Variants in RBM18 observed in about 807,000 individuals in gnomAD.
RBM18 encodes RNA binding motif protein 18, also known as probable RNA-binding protein 18.
Under a neutral mutation model 26.4 loss-of-function variants are expected in RBM18, and 18 were observed. The observed-to-expected ratio is 0.68, with a 90% CI of 0.47 to 1.01. RBM18 has a LOEUF of 1.01. Ranked by LOEUF, RBM18 falls within the 50% of genes least tolerant of loss-of-function variation. RBM18 has a pLI of 0.00. For missense variants in RBM18, 180 were observed against 219.2 expected (o/e 0.82, Z 1.13); for synonymous variants, 74 against 81.1 (o/e 0.91, Z 0.47).
chr9:122,255,852 AGCTGAGTGTGGTG>A (rs1831686196), intron 2 of RBM18, among the ~76,000 whole-genome samples: 1 of 152,172 alleles, frequency 6.6e-6, no homozygotes. Context: ...CAAAAAAATT[AGCTGAGTGTGGTG>A]GCACATGCCT....
intron 2 of RBM18, among the ~76,000 whole-genome samples, chr9:122,258,489 G>A (rs543377404): frequency 9.9e-5 from 15 of 152,164 alleles, no homozygotes; most frequent in South Asian, 2.1e-4. Context: ...GGATGGTCTC[G>A]ATTTCCTAAC....
intron 5 of RBM18, among the ~76,000 whole-genome samples, chr9:122,244,941 G>C (rs891503202): frequency 6.6e-6 from 1 of 152,170 alleles, no homozygotes; most frequent in African/African-American, 2.4e-5. Flanking sequence ...GAGACCCAAG[G>C]CCTTATTAAA....
chr9:122,258,903 G>GCGAGACT (rs1209341524), intron 2 of RBM18, among the ~76,000 whole-genome samples: 1 of 91,544 alleles, frequency 1.1e-5, no homozygotes. Context: ...GGGTGACAGA[G>GCGAGACT]CTGTCAAAAA....
At chr9:122,245,695 T>G (rs1831494141) in intron 4 of RBM18, among the ~76,000 whole-genome samples, 1 of 152,018 alleles carries the variant, frequency 6.6e-6, no homozygotes. Context: ...TACTTTAAAC[T>G]GGCCAGGCGC....
chr9:122,259,855 GGC>G (rs1831758141), intron 2 of RBM18, among the ~76,000 whole-genome samples: 1 of 151,940 alleles, frequency 6.6e-6, no homozygotes, highest in Non-Finnish European at 1.5e-5. Flanking sequence ...CACCATGCCT[GGC>G]TAATTTTTTC....
At chr9:122,245,116 G>C (rs958283553) in intron 5 of RBM18, 140 bp downstream of exon 5, 2 of 624,640 alleles carry the variant, frequency 3.2e-6, no homozygotes. Flanking sequence ...ATACATTCTG[G>C]AGACTAACTG....
In RBM18 at chr9:122,238,514, G is replaced by C. The variant is rs568307043; in HGVS notation, c.*3370C>G. On this transcript the variant is annotated 3_prime_UTR_variant, in exon 6 of 6. Transcript: ENST00000417201. ...CTCTGCGGCTATCTGGAGAAAGAGC[G>C]TTCTAAGCTAAGGCAACAGCCAATG... is the stretch of plus-strand genomic sequence containing the variant. 2 of 152,168 alleles carry C rather than the reference G, an allele frequency of 1.3e-5. No individual in the cohort carries two copies. The highest frequency in any genetic ancestry group is 2.9e-5 in the Non-Finnish European group (2 of 68,036). The allele number at this position is 152,168 out of a possible 1,614,324, so 9.4% of individuals were successfully genotyped here. A position where few individuals can be genotyped will look rare whatever the true frequency, so the allele number is the denominator to read the frequency against.
intron 2 of RBM18, among the ~76,000 whole-genome samples, chr9:122,260,796 C>T (rs1007135190): frequency 6.6e-6 from 1 of 152,192 alleles, no homozygotes; most frequent in Admixed American, 6.5e-5. Context: ...TTATATACAG[C>T]TCTGATTATT....
At chr9:122,248,784 AAGGAACAGAGG>A (rs1180941546) in intron 3 of RBM18, among the ~76,000 whole-genome samples, 4 of 152,192 alleles carry the variant, frequency 2.6e-5, no homozygotes, top group African/African-American at 9.7e-5. Context: ...AGAAGCCCTT[AAGGAACAGAGG>A]AGGAACAGGA....
chr9:122,262,539 T>C (rs892423495), intron 1 of RBM18, among the ~76,000 whole-genome samples: 32 of 152,324 alleles, frequency 2.1e-4, no homozygotes, highest in African/African-American at 6.7e-4. Flanking sequence ...AGCAGAAACC[T>C]TGGTGTCAGA....
At chr9:122,254,877 T>C (rs1333147579) in intron 2 of RBM18, among the ~76,000 whole-genome samples, 4 of 152,102 alleles carry the variant, frequency 2.6e-5, no homozygotes, top group Admixed American at 2.0e-4. Context: ...TGAAGACCAA[T>C]GGTACAAGGA....
Position 122,238,737 on chromosome 9 carries a change from A to T in RBM18, c.*3147T>A, listed in dbSNP as rs1831366979. On this transcript the variant is annotated 3_prime_UTR_variant, in exon 6 of 6. Transcript: ENST00000417201. Reference sequence around the variant, plus strand: ...GCCACAAAGAAGAGAATCACATTTTAAAATAATTTTTTTAAAAATTGCTTT... The same window carrying T: ...GCCACAAAGAAGAGAATCACATTTTTAAATAATTTTTTTAAAAATTGCTTT... 1 of 152,244 alleles carries T rather than the reference A, an allele frequency of 6.6e-6. No homozygotes were observed. The highest frequency in any genetic ancestry group is 1.5e-5 in the Non-Finnish European group (1 of 68,046). 9.4% of individuals were successfully genotyped at this position (152,244 alleles called of 1,614,324 possible).
At chr9:122,252,030 C>T (rs1831613017) in intron 2 of RBM18, 57 bp from the exon 3 acceptor site, 2 of 1,600,456 alleles carry the variant, frequency 1.2e-6, no homozygotes, top group Admixed American at 3.4e-5. Context: ...GCCACTCAGC[C>T]TGAAGTGTGA....
rs1041308909 is a variant in RBM18 at position 122,263,581 on chromosome 9, A to C, written c.-17+1134T>G. On this transcript the variant is annotated intron_variant, in intron 1 of 5. Transcript: ENST00000417201. ...TGCTTGTATTTGGAAGGGGAGCAGG[A>C]CAAAACAAAAGCAAAATAAATAAAG... 5.3e-5 allele frequency among the ~76,000 whole-genome samples: 8 copies of C among 152,344 alleles called. No individual in the cohort carries two copies. The East Asian group carries it at 1.5e-3, about 29-fold the overall frequency.
chr9:122,261,418 G>A lies in RBM18; in HGVS notation c.75C>T (p.His25=). Residue 25 remains histidine (H), a synonymous_variant, in exon 2 of 6, where the codon CAC becomes CAT. Transcript: ENST00000417201. ...GGTCCAGGTTGCCAATCCATAATCG[G>A]TGTCCTTCCTGCAGAGAGCCCTCTG... The part of the protein sequence containing the change: ...ILSEGSLQEG[H]RLWIGNLDPK... 6.2e-7 allele frequency: 1 copy of A among 1,614,086 alleles called. No homozygotes were observed. Among genetic ancestry groups the A allele is most frequent in the Non-Finnish European group, 8.5e-7 (1 of 1,179,978 alleles).
rs1481811720 is a variant in RBM18, at chr9:122,242,476, T to TA, written c.414-434dup. 2.8e-4 allele frequency among the ~76,000 whole-genome samples: 43 copies of TA among 152,360 alleles called. 1 individual carries two copies. The highest frequency in any genetic ancestry group is 1.0e-3 in the African/African-American group (43 of 41,594). ...CCAATGTTACACAGCAAGTAAACGATAGAGCAGAGATTTGAATACAAACTG... is the reference window on the plus strand; with the variant it reads ...CCAATGTTACACAGCAAGTAAACGATAAGAGCAGAGATTTGAATACAAACTG... On this transcript the variant is annotated intron_variant, in intron 5 of 5. Transcript: ENST00000417201.
chr9:122,253,752 G>C (rs546796983), intron 2 of RBM18, among the ~76,000 whole-genome samples: 7 of 150,820 alleles, frequency 4.6e-5, no homozygotes, highest in African/African-American at 1.7e-4. Flanking sequence ...TAGGCCAGGC[G>C]CAGTGGCTCA....
chr9:122,256,066 A>AAC (rs1564458195), intron 2 of RBM18, among the ~76,000 whole-genome samples: 1 of 151,974 alleles, frequency 6.6e-6, no homozygotes. Context: ...CAACAACAAC[A>AAC]AAAACCAAAC....
At chr9:122,255,389 G>C (rs1428456571) in intron 2 of RBM18, among the ~76,000 whole-genome samples, 2 of 152,164 alleles carry the variant, frequency 1.3e-5, no homozygotes, top group African/African-American at 4.8e-5. Context: ...GCATGCTCAT[G>C]CATTTATTTT....
Sources: allele counts gnomAD v4.1 joint callset (sites outside exome capture counted in the v4.1 genomes callset), GRCh38; gene constraint gnomAD v4.1.1; transcripts MANE v1.5; gene names NCBI Gene and HGNC (gene_info 2026-07-23, HGNC 2026-07-21).